WDR59: variants seen among roughly 807,000 people sequenced by gnomAD.
WDR59 encodes the protein WD repeat domain 59, also known as GATOR2 complex protein WDR59.
A neutral mutation model predicts 131.2 loss-of-function variants in WDR59; 100 were observed. The ratio of observed to expected loss-of-function variants is 0.76; its 90% confidence interval spans 0.65 to 0.90. The LOEUF (loss-of-function observed/expected upper bound fraction) is 0.90, where lower values mean the gene tolerates loss of function less well. WDR59 is among the 40% of genes least tolerant of loss of function. The pLI, the probability that WDR59 is intolerant of heterozygous loss-of-function variation, is 0.00. For synonymous variants in WDR59, 601 were observed against 466.2 expected (o/e 1.29, Z -3.72); for missense variants, 1,203 against 1,262.2 (o/e 0.95, Z 0.71).
chr16:74,981,936 G>A (rs1462670041), intron 1 of WDR59, among the ~76,000 whole-genome samples: 2 of 125,184 alleles, frequency 1.6e-5, no homozygotes, highest in Non-Finnish European at 3.4e-5. Flanking sequence ...GATTACAGGC[G>A]TGAGCCACCA....
intron 1 of WDR59, among the ~76,000 whole-genome samples, chr16:74,975,722 G>C (rs533505513): frequency 6.6e-6 from 1 of 151,426 alleles, no homozygotes; most frequent in Non-Finnish European, 1.5e-5. Flanking sequence ...CTGAAGCTTA[G>C]AAAGGAAGTA....
Position 74,888,723 on chromosome 16 carries a change from T to G in WDR59, c.2196-404A>C, listed in dbSNP as rs1015092156. Among the ~76,000 whole-genome samples the G allele has an allele frequency of 6.6e-5, 10 of 152,244 alleles. 1 individual carries two copies. On this transcript the variant is annotated intron_variant, in intron 21 of 25. Coordinates refer to ENST00000262144, the MANE Select transcript of WDR59 (RefSeq NM_030581.4). ...TTTGGGGGATTCCCACACATGTCAT[T>G]TATATAACCTAAAGCTACATGAAGG... is the stretch of plus-strand genomic sequence containing the variant.
rs201398375 is a variant in WDR59, at chr16:74,888,284, G to A, written c.2231C>T (p.Thr744Ile). 1.9e-6 allele frequency: 3 copies of A among 1,613,976 alleles called. No individual in the cohort carries two copies. In the Admixed American group the frequency reaches 5.0e-5, roughly 27 times the overall value. The change falls in exon 22 of 26, where the codon ACA becomes ATA. Residue 744 changes from threonine to isoleucine, a missense_variant. Physicochemically the swap from Thr to Ile is moderately conservative, Grantham distance 89. Coordinates refer to ENST00000262144, the MANE Select transcript of WDR59 (RefSeq NM_030581.4). Reference sequence around the variant, plus strand: ...AAACACGCTACAGAGCATCGCCAGTGTCTGAACATCCCGGAGCCGGCAATA... The same window carrying A: ...AAACACGCTACAGAGCATCGCCAGTATCTGAACATCCCGGAGCCGGCAATA... ...AHYCRLRDVQTLAMLCSVFEA... is the reference protein window; with the variant it reads ...AHYCRLRDVQILAMLCSVFEA...
At chr16:74,951,612 A>C in intron 3 of WDR59, 69 bp from the exon 4 acceptor site, 4 of 1,405,698 alleles carry the variant, frequency 2.8e-6, no homozygotes, top group Non-Finnish European at 3.9e-6. Context: ...AATCAGCTTA[A>C]GGCAGTGAAG....
At chr16:74,959,133 C>T (rs1487957757) in intron 2 of WDR59, among the ~76,000 whole-genome samples, 1 of 152,150 alleles carries the variant, frequency 6.6e-6, no homozygotes, top group Non-Finnish European at 1.5e-5. Context: ...AGAGTGGGTG[C>T]TATTCTCCCC....
chr16:74,888,318 AC>A lies in WDR59; in HGVS notation c.2196del (p.Leu733TrpfsTer74), dbSNP rs758187036. 1 of 1,611,670 alleles carries A rather than the reference AC, an allele frequency of 6.2e-7. No homozygotes were observed. Among genetic ancestry groups the A allele is most frequent in the Non-Finnish European group, 8.5e-7 (1 of 1,179,138 alleles). On this transcript the variant is annotated frameshift_variant and splice_region_variant, in exon 22 of 26. Transcript: ENST00000262144. LOFTEE classifies it high-confidence loss of function. The part of the protein sequence containing the change: ...HPFGRQLLES[L>X]LAHYCRLRDV... ...TCCCGGAGCCGGCAATAGTGAGCCA[AC>A]CTGAGGAAAAGATAAGAGGAAAGAA...
Position 74,915,851 on chromosome 16 carries a change from A to G in WDR59, c.1224+19T>C. On this transcript the variant is annotated intron_variant, in intron 13 of 25. Coordinates refer to ENST00000262144, the MANE Select transcript of WDR59 (RefSeq NM_030581.4). Reference sequence around the variant, plus strand: ...ACTGCCATCAGCAAACATGAGATACAGTTGATTAAACTAAGTACCTCCACA... The same window carrying G: ...ACTGCCATCAGCAAACATGAGATACGGTTGATTAAACTAAGTACCTCCACA... The G allele has an allele frequency of 1.2e-6, 2 of 1,614,202 alleles. No individual in the cohort carries two copies. The highest frequency in any genetic ancestry group is 1.7e-6 in the Non-Finnish European group (2 of 1,180,014).
chr16:74,894,277 A>T (rs546597469), intron 18 of WDR59, among the ~76,000 whole-genome samples: 1 of 152,322 alleles, frequency 6.6e-6, no homozygotes, highest in African/African-American at 2.4e-5. Flanking sequence ...TGCAAACCTT[A>T]ATCTATATGG....
At chr16:74,958,107 T>C (rs925662965) in intron 2 of WDR59, among the ~76,000 whole-genome samples, 1 of 152,132 alleles carries the variant, frequency 6.6e-6, no homozygotes, top group East Asian at 1.9e-4. Context: ...GCAGAGACTT[T>C]ACAGGGCAAA....
intron 1 of WDR59, among the ~76,000 whole-genome samples, chr16:74,973,591 C>A (rs2034072992): frequency 6.6e-6 from 1 of 152,194 alleles, no homozygotes; most frequent in African/African-American, 2.4e-5. Context: ...CTTGGCCCAA[C>A]AGTTTCTGAG....
chr16:74,951,570 G>A (rs372169960), intron 3 of WDR59, 27 bp from the exon 4 acceptor site: 5 of 1,559,952 alleles, frequency 3.2e-6, no homozygotes, highest in Non-Finnish European at 4.4e-6. Context: ...GAAGGCCACA[G>A]GCAAGTATGT....
intron 19 of WDR59, among the ~76,000 whole-genome samples, chr16:74,893,220 A>G (rs553308127): frequency 1.3e-5 from 2 of 152,296 alleles, no homozygotes; most frequent in East Asian, 3.9e-4. Flanking sequence ...ACCTACAGAG[A>G]GACTATCCTG....
At chr16:74,909,276 C>T (rs191539549) in intron 16 of WDR59, among the ~76,000 whole-genome samples, 2 of 152,232 alleles carry the variant, frequency 1.3e-5, no homozygotes, top group East Asian at 1.9e-4. Flanking sequence ...CAAATCCAAG[C>T]TCATCAGAAT....
chr16:74,921,836 T>C, intron 10 of WDR59, 111 bp downstream of exon 10: 1 of 1,385,278 alleles, frequency 7.2e-7, no homozygotes, highest in East Asian at 2.5e-5. Context: ...CTCTGGTTCC[T>C]AAAGCCCAGC....
chr16:74,955,117 C>G (rs1012462301), intron 3 of WDR59, among the ~76,000 whole-genome samples: 2 of 152,176 alleles, frequency 1.3e-5, no homozygotes, highest in Non-Finnish European at 2.9e-5. Context: ...TGTGAAGGAA[C>G]AAATTTTAAA....
chr16:74,902,430 G>A (rs1257466908), intron 18 of WDR59, among the ~76,000 whole-genome samples: 2 of 118,552 alleles, frequency 1.7e-5, no homozygotes, highest in African/African-American at 9.1e-5. Flanking sequence ...TAATTACGGT[G>A]TTTGTAGTAA....
At chr16:74,934,968 C>A (rs2031685781) in intron 8 of WDR59, among the ~76,000 whole-genome samples, 1 of 152,072 alleles carries the variant, frequency 6.6e-6, no homozygotes, top group African/African-American at 2.4e-5. Flanking sequence ...GTGGCTCATG[C>A]CTATAATCCC....
chr16:74,892,629 C>A (rs1272921189), intron 19 of WDR59, 64 bp from the exon 20 acceptor site: 1 of 1,296,392 alleles, frequency 7.7e-7, no homozygotes, highest in Non-Finnish European at 1.1e-6. Context: ...CAACGACTCC[C>A]AGTTTAACAG....
intron 6 of WDR59, among the ~76,000 whole-genome samples, chr16:74,948,168 A>G (rs2032765755): frequency 6.6e-6 from 1 of 152,240 alleles, no homozygotes. Context: ...CAAGTGTTGA[A>G]GGTGACGATG....
Sources: allele counts gnomAD v4.1 joint callset (sites outside exome capture counted in the v4.1 genomes callset), GRCh38; gene constraint gnomAD v4.1.1; transcripts MANE v1.5; gene names NCBI Gene and HGNC (gene_info 2026-07-23, HGNC 2026-07-21).